Variants in NCAPH observed in about 807,000 individuals in gnomAD.
NCAPH encodes the protein condensin complex subunit 2.
A neutral mutation model predicts 85.5 loss-of-function variants in NCAPH; 38 were observed. That is an observed-to-expected ratio of 0.44 (90% CI 0.34 to 0.58). NCAPH has a LOEUF of 0.58. Among genes scored for constraint, NCAPH ranks in the 20% least tolerant of loss-of-function variants. NCAPH has a pLI of 0.01. For missense variants in NCAPH, 789 were observed against 916.6 expected, an observed-to-expected ratio of 0.86 and a Z score of 1.80; for synonymous variants, 301 against 335.1, an observed-to-expected ratio of 0.90 and a Z score of 1.11.
rs972156915 is a variant in NCAPH, at chr2:96,335,766, G to T, written c.-64G>T. ...GGCCCGCCGGCGACGTCACGCGGCC[G>T]TTACGGCGCTCAGGCGTCTCGACGC... On this transcript the variant is annotated 5_prime_UTR_variant, in exon 1 of 18. Transcript: ENST00000240423. 1 of 1,447,158 alleles carries T rather than the reference G, an allele frequency of 6.9e-7. No individual in the cohort carries two copies. The highest frequency in any genetic ancestry group is 1.5e-5 in the African/African-American group (1 of 66,690). The allele number at this position is 1,447,158 out of a possible 1,614,324, so 89.6% of individuals were successfully genotyped here.
intron 5 of NCAPH, 142 bp from the exon 6 acceptor site, chr2:96,343,963 A>G: frequency 9.8e-7 from 1 of 1,022,720 alleles, no homozygotes; most frequent in East Asian, 2.7e-5. Context: ...CAGCCTCCCA[A>G]AGCGCTAGGA....
chr2:96,354,498 C>T, intron 9 of NCAPH, 110 bp downstream of exon 9: 2 of 967,496 alleles, frequency 2.1e-6, no homozygotes, highest in South Asian at 2.4e-5. Flanking sequence ...TTTTCCCCCC[C>T]CAAAAATAGA....
intron 6 of NCAPH, among the ~76,000 whole-genome samples, chr2:96,348,182 GTC>G (rs1304288609): frequency 3.3e-5 from 5 of 151,294 alleles, no homozygotes; most frequent in Non-Finnish European, 7.4e-5. Flanking sequence ...TTATGCCAAG[GTC>G]TCTCTCTTTT....
chr2:96,342,461 G>A (rs540374218), intron 3 of NCAPH, among the ~76,000 whole-genome samples: 2 of 152,328 alleles, frequency 1.3e-5, no homozygotes, highest in Non-Finnish European at 2.9e-5. Context: ...CTGGAGAATG[G>A]GGGTAGTGCC....
chr2:96,347,641 G>A (rs1031857887), intron 6 of NCAPH, among the ~76,000 whole-genome samples: 2 of 152,154 alleles, frequency 1.3e-5, no homozygotes, highest in African/African-American at 4.8e-5. Flanking sequence ...GTGGTGGGGT[G>A]GGAGGTGGCA....
At chr2:96,351,754 G>T in intron 6 of NCAPH, 77 bp from the exon 7 acceptor site, 1 of 1,296,810 alleles carries the variant, frequency 7.7e-7, no homozygotes, top group Non-Finnish European at 1.1e-6. Context: ...CTAATGAGTG[G>T]GGCCAAATGC....
chr2:96,335,954 C>T lies in NCAPH; in HGVS notation c.19+106C>T, dbSNP rs188935065. On this transcript the variant is annotated intron_variant, in intron 1 of 17. Transcript: ENST00000240423. ...CCTGGGCGGGGAGAGAGGATATGCT[C>T]AGCTCGGGTCTTGGCCCTGCGGCTG... 1.2e-4 allele frequency: 143 copies of T among 1,243,262 alleles called. No homozygotes were observed. The East Asian group carries it at 4.5e-3, about 39-fold the overall frequency. The allele number at this position is 1,243,262 out of a possible 1,614,324, so 77.0% of individuals were successfully genotyped here.
At chr2:96,346,588 C>T (rs944516856) in intron 6 of NCAPH, among the ~76,000 whole-genome samples, 5 of 152,006 alleles carry the variant, frequency 3.3e-5, no homozygotes, top group African/African-American at 4.8e-5. Flanking sequence ...AATTTTACCT[C>T]GGAAGACAGG....
intron 8 of NCAPH, 110 bp from the exon 9 acceptor site, chr2:96,354,073 G>A: frequency 9.3e-7 from 1 of 1,072,568 alleles, no homozygotes; most frequent in Middle Eastern, 2.2e-4. Context: ...TGGCTCAGGG[G>A]AAGGAGGAGG....
At chr2:96,352,597 G>A (rs777208623) in intron 7 of NCAPH, among the ~76,000 whole-genome samples, 1 of 152,180 alleles carries the variant, frequency 6.6e-6, no homozygotes, top group Admixed American at 6.5e-5. Context: ...GTGCCAGCAG[G>A]TAGGGAGGCC....
chr2:96,366,876 CAAAAAAAAAAAAAA>C (rs928006104), intron 14 of NCAPH, among the ~76,000 whole-genome samples: 32 of 37,574 alleles, frequency 8.5e-4, no homozygotes, highest in Non-Finnish European at 1.3e-3. Context: ...GACTCCGTCT[CAAAAAAAAAAAAAA>C]AAAAAAAAAA....
At chr2:96,354,487 T>A (rs1391360524) in intron 9 of NCAPH, 99 bp downstream of exon 9, 1 of 1,075,952 alleles carries the variant, frequency 9.3e-7, no homozygotes, top group African/African-American at 1.6e-5. Flanking sequence ...TCTTTCTTTT[T>A]TTTTCCCCCC....
intron 7 of NCAPH, among the ~76,000 whole-genome samples, chr2:96,352,879 T>A (rs893217432): frequency 6.6e-6 from 1 of 152,242 alleles, no homozygotes; most frequent in Non-Finnish European, 1.5e-5. Context: ...TCTAATCCCC[T>A]GAAGTAAGTC....
intron 6 of NCAPH, among the ~76,000 whole-genome samples, chr2:96,345,150 G>A (rs547411501): frequency 6.6e-6 from 1 of 152,308 alleles, no homozygotes; most frequent in African/African-American, 2.4e-5. Context: ...CCAGTAGGTA[G>A]GAGGAAAACC....
rs1220367060 is a variant in NCAPH at position 96,335,864 on chromosome 2, G to A, written c.19+16G>A. The A allele has an allele frequency of 4.1e-6, 6 of 1,474,130 alleles. No homozygotes were observed. The South Asian group carries it at 6.6e-5, about 16-fold the overall frequency. 91.3% of individuals were successfully genotyped at this position (1,474,130 alleles called of 1,614,324 possible). A position where few individuals can be genotyped will look rare whatever the true frequency, so the allele number is the denominator to read the frequency against. ...CCCGGCCCAGGTGAGCCGGGCGGTC[G>A]GGAGGCGCGGCGGGAAGGGCCCCTA... On this transcript the variant is annotated intron_variant, in intron 1 of 17. Coordinates refer to ENST00000240423, the MANE Select transcript of NCAPH (RefSeq NM_015341.5).
chr2:96,354,314 A>C lies in NCAPH; in HGVS notation c.1134A>C (p.Glu378Asp), dbSNP rs771064804. The change falls in exon 9 of 18, where the codon GAA (glutamate) becomes GAC (aspartate). Residue 378 changes from glutamate to aspartate, a missense_variant. By Grantham distance (45) the Glu-to-Asp change is conservative (BLOSUM62 2). Coordinates refer to ENST00000240423, the MANE Select transcript of NCAPH (RefSeq NM_015341.5). ...SLGDDFDAND[E>D]PDHTAVGDHE... ...GGGATGACTTTGATGCCAACGATGA[A>C]CCTGACCACACCGCAGTTGGGGATC... 2.5e-6 allele frequency: 4 copies of C among 1,613,868 alleles called. No individual in the cohort carries two copies. In the South Asian group the frequency reaches 3.3e-5, roughly 13 times the overall value.
At chr2:96,358,537 C>T (rs1378274572) in intron 9 of NCAPH, among the ~76,000 whole-genome samples, 9 of 151,952 alleles carry the variant, frequency 5.9e-5, no homozygotes, top group Non-Finnish European at 1.0e-4. Context: ...GGCGCGATCT[C>T]GGCTCACTGC....
chr2:96,369,689 T>C (rs1030098632), intron 17 of NCAPH, among the ~76,000 whole-genome samples, 189 bp downstream of exon 17: 1 of 152,238 alleles, frequency 6.6e-6, no homozygotes, highest in Non-Finnish European at 1.5e-5. Context: ...CAGGTTTGAT[T>C]AGCAATGAAA....
At chr2:96,341,920 C>A in intron 2 of NCAPH, 26 bp downstream of exon 2, 1 of 1,605,344 alleles carries the variant, frequency 6.2e-7, no homozygotes, top group Non-Finnish European at 8.5e-7. Flanking sequence ...GCTGTTTCTC[C>A]TTGAGGCAGC....
Sources: allele counts gnomAD v4.1 joint callset (sites outside exome capture counted in the v4.1 genomes callset), GRCh38; gene constraint gnomAD v4.1.1; transcripts MANE v1.5; gene names NCBI Gene and HGNC (gene_info 2026-07-23, HGNC 2026-07-21).